Variants in ZFP37 observed in about 807,000 individuals in gnomAD.
The protein encoded by ZFP37 is zinc finger protein 37 homolog.
Under a neutral mutation model 52.1 loss-of-function variants are expected in ZFP37, and 38 were observed. The ratio of observed to expected loss-of-function variants is 0.73; its 90% CI spans 0.56 to 0.96. The LOEUF is 0.96. ZFP37 is among the 40% of genes least tolerant of loss of function. The pLI is 0.00. For missense variants in ZFP37, 695 were observed against 741.4 expected, an observed-to-expected ratio of 0.94 and a Z score of 0.73; for synonymous variants, 253 against 259.5, an observed-to-expected ratio of 0.98 and a Z score of 0.24.
chr9:113,048,026 AGAAG>A (rs1325079563), intron 3 of ZFP37, among the ~76,000 whole-genome samples: 1 of 152,230 alleles, frequency 6.6e-6, no homozygotes, highest in African/African-American at 2.4e-5. Context: ...CAGCAAAATG[AGAAG>A]GAAGAGAAGC....
rs529224757 is a variant in ZFP37 at position 113,048,394 on chromosome 9, G to A, written c.349+968C>T. 2.5e-4 allele frequency among the ~76,000 whole-genome samples: 38 copies of A among 152,286 alleles called. No homozygotes were observed. The East Asian group carries it at 2.9e-3, about 12-fold the overall frequency. On this transcript the variant is annotated intron_variant, in intron 3 of 3. Coordinates refer to ENST00000374227, the MANE Select transcript of ZFP37 (RefSeq NM_003408.3). ...AATACATAGGAGAAAATTTGATACC[G>A]TAGGGTCTCGGAGTATGGGTGGAGA...
Position 113,052,263 on chromosome 9 carries a change from T to C in ZFP37, c.133-2391A>G, listed in dbSNP as rs963371674. ...AGCCTCAGAGGAGTGGAGGCTGTCT[T>C]TCCTGCACCACCCCTCTCCCTGCCA... On this transcript the variant is annotated intron_variant, in intron 1 of 3. Transcript: ENST00000374227. The surrounding 1 kb of genome is among the most constrained non-coding windows in gnomAD (Gnocchi z 4.1). Among the ~76,000 whole-genome samples the C allele has an allele frequency of 3.3e-5, 5 of 152,166 alleles. No individual in the cohort carries two copies. Among genetic ancestry groups the C allele is most frequent in the African/African-American group, 4.8e-5 (2 of 41,438 alleles).
Position 113,043,910 on chromosome 9 carries a change from A to G in ZFP37, c.708T>C (p.His236=), listed in dbSNP as rs200758111. ...TGKKHEKLSS[H]SSSDKCNKTG... ...TTTTGTTACACTTATCAGATGAGCT[A>G]TGGCTGGATAATTTCTCATGTTTCT... The change falls in exon 4 of 4, where the codon CAT becomes CAC. Residue 236 remains histidine, a synonymous_variant. Coordinates refer to ENST00000374227, the MANE Select transcript of ZFP37 (RefSeq NM_003408.3). 48 of 1,613,928 alleles carry G rather than the reference A, an allele frequency of 3.0e-5. No homozygotes were observed. Among genetic ancestry groups the G allele is most frequent in the Non-Finnish European group, 4.0e-5 (47 of 1,179,960 alleles).
Position 113,044,100 on chromosome 9 carries a change from CT to C in ZFP37, c.517del (p.Arg173GlyfsTer12). 1 of 1,611,324 alleles carries C rather than the reference CT, an allele frequency of 6.2e-7. No homozygotes were observed. Among genetic ancestry groups the C allele is most frequent in the African/African-American group, 1.3e-5 (1 of 74,846 alleles). ...TCCACATGACTCAAATTTAAGAAGC[CT>C]TTTCTTTGAAGGAACATGTTTTTTA... is the stretch of plus-strand genomic sequence containing the variant. ...LHKKHVPSKK[R>X]LLKFESCGKI... On this transcript the variant is annotated frameshift_variant, in exon 4 of 4. Transcript: ENST00000374227. LOFTEE classifies it high-confidence loss of function.
Position 113,040,459 on chromosome 9 carries a change from AG to A in ZFP37, c.*2265del, listed in dbSNP as rs1454349192. Reference sequence around the variant, plus strand: ...GTGATAAATAAGTTACTTGGAAATGAGGGGATATATTCATGAGTTGAGCTTT... The same window carrying A: ...GTGATAAATAAGTTACTTGGAAATGAGGGATATATTCATGAGTTGAGCTTT... On this transcript the variant is annotated 3_prime_UTR_variant, in exon 4 of 4. Coordinates refer to ENST00000374227, the MANE Select transcript of ZFP37 (RefSeq NM_003408.3). The A allele has an allele frequency of 1.3e-5, 2 of 152,202 alleles. No homozygotes were observed. Among genetic ancestry groups the A allele is most frequent in the African/African-American group, 4.8e-5 (2 of 41,448 alleles). The allele number at this position is 152,202 out of a possible 1,614,324, so 9.4% of individuals were successfully genotyped here. A position where few individuals can be genotyped will look rare whatever the true frequency, so the allele number is the denominator to read the frequency against.
chr9:113,049,026 A>T (rs1419792736), intron 3 of ZFP37, among the ~76,000 whole-genome samples: 1 of 152,152 alleles, frequency 6.6e-6, no homozygotes, highest in Non-Finnish European at 1.5e-5. Context: ...AATTTTTCTT[A>T]TTGTAAGTAA....
chr9:113,042,847 G>GTA lies in ZFP37; in HGVS notation c.1769_1770dup (p.His591TyrfsTer27), dbSNP rs1374561286. ...TTTTCTCCAGTGTGGGATCGCTGAT[G>GTA]TATAACAAGCTGTGATTTTGCATTA... On this transcript the variant is annotated frameshift_variant, in exon 4 of 4. Coordinates refer to ENST00000374227, the MANE Select transcript of ZFP37 (RefSeq NM_003408.3). LOFTEE classifies it high-confidence loss of function. The GTA allele has an allele frequency of 6.2e-7, 1 of 1,613,844 alleles. No homozygotes were observed. The highest frequency in any genetic ancestry group is 8.5e-7 in the Non-Finnish European group (1 of 1,179,904).
chr9:113,039,571 G>C lies in ZFP37; in HGVS notation c.*3154C>G, dbSNP rs1828814484. 6.6e-6 allele frequency: 1 copy of C among 151,670 alleles called. No individual in the cohort carries two copies. The highest frequency in any genetic ancestry group is 1.5e-5 in the Non-Finnish European group (1 of 67,958). 9.4% of individuals were successfully genotyped at this position (151,670 alleles called of 1,614,324 possible). A position where few individuals can be genotyped will look rare whatever the true frequency, so the allele number is the denominator to read the frequency against. On this transcript the variant is annotated 3_prime_UTR_variant, in exon 4 of 4. Coordinates refer to ENST00000374227, the MANE Select transcript of ZFP37 (RefSeq NM_003408.3). Reference sequence around the variant, plus strand: ...CCCAACACTTCCCTCCCCTTCCTTGGTTTGCTTTTTGCCATCCAGTGATCT... The same window carrying C: ...CCCAACACTTCCCTCCCCTTCCTTGCTTTGCTTTTTGCCATCCAGTGATCT...
chr9:113,056,712 TAGCGGGTCCGGC>T lies in ZFP37; in HGVS notation c.-36_-25del. 1.2e-6 allele frequency: 2 copies of T among 1,605,884 alleles called. No homozygotes were observed. The highest frequency in any genetic ancestry group is 1.7e-6 in the Non-Finnish European group (2 of 1,176,414). ...ATGGCGGCTACCCGGAGGGCGGCCTTAGCGGGTCCGGCAGCCGCGATGGCGGCGCCCTTCGGT... is the reference window on the plus strand; with the variant it reads ...ATGGCGGCTACCCGGAGGGCGGCCTTAGCCGCGATGGCGGCGCCCTTCGGT... On this transcript the variant is annotated 5_prime_UTR_variant, in exon 1 of 4. Transcript: ENST00000374227.
At position 113,040,172 on chromosome 9, in the gene ZFP37, T is replaced by C. The variant is rs1284360817; in HGVS notation, c.*2553A>G. 1.3e-5 allele frequency: 2 copies of C among 152,250 alleles called. No homozygotes were observed. The highest frequency in any genetic ancestry group is 2.4e-5 in the African/African-American group (1 of 41,474). The allele number at this position is 152,250 out of a possible 1,614,324, so 9.4% of individuals were successfully genotyped here. On this transcript the variant is annotated 3_prime_UTR_variant, in exon 4 of 4. Coordinates refer to ENST00000374227, the MANE Select transcript of ZFP37 (RefSeq NM_003408.3). ...GCTAACTTTTAATTCATTTTATTAC[T>C]GCACAAAGTGGCTTTCAGCATTCAT... is the stretch of plus-strand genomic sequence containing the variant.
chr9:113,051,501 G>A (rs558509449), intron 1 of ZFP37, among the ~76,000 whole-genome samples: 1 of 152,192 alleles, frequency 6.6e-6, no homozygotes, highest in South Asian at 2.1e-4. Flanking sequence ...TGCCCAGGCT[G>A]AAGTGCAATA....
At chr9:113,056,255 G>A (rs1439890686) in intron 1 of ZFP37, among the ~76,000 whole-genome samples, 1 of 151,840 alleles carries the variant, frequency 6.6e-6, no homozygotes, top group African/African-American at 2.4e-5. Flanking sequence ...AACCCCCACG[G>A]TCCTTCCCTA....
rs867928180 is a variant in ZFP37 at position 113,043,015 on chromosome 9, G to A, written c.1603C>T (p.His535Tyr). The change falls in exon 4 of 4, where the codon CAT becomes TAT. Residue 535 changes from histidine (H) to tyrosine (Y), a missense_variant. This residue lies in a region of ZFP37 where 326 missense variants were observed against 400.5 expected (regional missense o/e 0.81). Transcript: ENST00000374227. ...GFKQIEGLTQHQRVHTGEKPY... is the reference protein window; with the variant it reads ...GFKQIEGLTQYQRVHTGEKPY... ...TTCTCTCCAGTATGAACTCTCTGAT[G>A]TTGAGTAAGGCCTTCAATTTGTTTA... The A allele has an allele frequency of 3.1e-6, 5 of 1,613,832 alleles. No homozygotes were observed. In the African/African-American group the frequency reaches 4.0e-5, roughly 13 times the overall value.
At chr9:113,047,566 A>G (rs896891945) in intron 3 of ZFP37, among the ~76,000 whole-genome samples, 1 of 152,160 alleles carries the variant, frequency 6.6e-6, no homozygotes, top group Non-Finnish European at 1.5e-5. Context: ...CCTGGGCAAC[A>G]CAGCAAGACC....
chr9:113,045,786 A>G (rs545456757), intron 3 of ZFP37, among the ~76,000 whole-genome samples: 3 of 152,248 alleles, frequency 2.0e-5, no homozygotes, highest in Non-Finnish European at 4.4e-5. Flanking sequence ...TGGATACTAC[A>G]TGTATAAAAA....
chr9:113,044,114 A>T lies in ZFP37; in HGVS notation c.504T>A (p.Val168=). The change falls in exon 4 of 4, where the codon GTT becomes GTA. Residue 168 remains valine (V), a synonymous_variant. Coordinates refer to ENST00000374227, the MANE Select transcript of ZFP37 (RefSeq NM_003408.3). ...GKKNNLHKKH[V]PSKKRLLKFE... is the part of the protein sequence containing the mutation. Reference sequence around the variant, plus strand: ...ATTTAAGAAGCCTTTTCTTTGAAGGAACATGTTTTTTATGCAAATTATTTT... The same window carrying T: ...ATTTAAGAAGCCTTTTCTTTGAAGGTACATGTTTTTTATGCAAATTATTTT... 6.2e-7 allele frequency: 1 copy of T among 1,611,626 alleles called. No individual in the cohort carries two copies.
rs373545380 is a variant in ZFP37, at chr9:113,056,717, G to T, written c.-29C>A. On this transcript the variant is annotated 5_prime_UTR_variant, in exon 1 of 4. Transcript: ENST00000374227. Reference sequence around the variant, plus strand: ...GGCTACCCGGAGGGCGGCCTTAGCGGGTCCGGCAGCCGCGATGGCGGCGCC... The same window carrying T: ...GGCTACCCGGAGGGCGGCCTTAGCGTGTCCGGCAGCCGCGATGGCGGCGCC... 3.1e-6 allele frequency: 5 copies of T among 1,602,770 alleles called. No individual in the cohort carries two copies. The Admixed American group carries it at 5.0e-5, about 16-fold the overall frequency.
Position 113,041,911 on chromosome 9 carries a change from C to T in ZFP37, c.*814G>A, listed in dbSNP as rs1828853434. The T allele has an allele frequency of 6.6e-6, 1 of 152,162 alleles. No individual in the cohort carries two copies. Among genetic ancestry groups the T allele is most frequent in the Admixed American group, 6.5e-5 (1 of 15,276 alleles). 9.4% of individuals were successfully genotyped at this position (152,162 alleles called of 1,614,324 possible). A position where few individuals can be genotyped will look rare whatever the true frequency, so the allele number is the denominator to read the frequency against. ...AAGGAAGTCTTGCTCCTATCCTAGA[C>T]CCCAGTCCTATACTCCTCTGCCCAA... On this transcript the variant is annotated 3_prime_UTR_variant, in exon 4 of 4. Coordinates refer to ENST00000374227, the MANE Select transcript of ZFP37 (RefSeq NM_003408.3).
At chr9:113,049,596 G>A (rs1264907190) in intron 2 of ZFP37, 100 bp from the exon 3 acceptor site, 1 of 1,487,190 alleles carries the variant, frequency 6.7e-7, no homozygotes, top group Non-Finnish European at 9.0e-7. Flanking sequence ...CATGGCTTCT[G>A]GAGTTTCACA....
Sources: allele counts gnomAD v4.1 joint callset (sites outside exome capture counted in the v4.1 genomes callset), GRCh38; gene constraint gnomAD v4.1.1; regional missense constraint gnomAD v4.1.1; non-coding constraint Gnocchi (gnomAD v3.1); transcripts MANE v1.5; gene names NCBI Gene and HGNC (gene_info 2026-07-23, HGNC 2026-07-21).